Variants in FRY observed in about 807,000 individuals in gnomAD.
FRY encodes protein furry homolog.
FRY carries 128 observed loss-of-function variants against 348.4 expected under a neutral mutation model. The ratio of observed to expected loss-of-function variants is 0.37; its 90% CI spans 0.32 to 0.43. FRY has a LOEUF of 0.43. FRY is among the 20% of genes least tolerant of loss of function. FRY has a pLI of 1.00. For missense variants in FRY, 2,736 were observed against 3,695.2 expected (o/e 0.74, Z 6.73); for synonymous variants, 1,370 against 1,374.7 (o/e 1.00, Z 0.08).
At position 32,237,811 on chromosome 13, in the gene FRY, C is replaced by A; in HGVS notation, c.6243C>A (p.Asn2081Lys). Reference protein sequence around the residue: ...LAHMPLDKAENREKLEKLQAQ... With the variant: ...LAHMPLDKAEKREKLEKLQAQ... ...ATATGCCACTCGATAAGGCTGAGAA[C>A]CGAGAAAAGCTTGAGAAACTCCAGG... is the stretch of plus-strand genomic sequence containing the variant. Residue 2081 changes from asparagine to lysine, a missense_variant, in exon 44 of 61, where the codon AAC (asparagine) becomes AAA (lysine). By Grantham distance (94) the Asn-to-Lys change is moderately conservative. Transcript: ENST00000542859. The surrounding 1 kb of genome is among the most constrained non-coding windows in gnomAD (Gnocchi z 6.3). 2 of 1,614,174 alleles carry A rather than the reference C, an allele frequency of 1.2e-6. No homozygotes were observed. Among genetic ancestry groups the A allele is most frequent in the South Asian group, 1.1e-5 (1 of 91,070 alleles).
chr13:32,088,412 C>T (rs1876030337), intron 2 of FRY, among the ~76,000 whole-genome samples: 1 of 152,182 alleles, frequency 6.6e-6, no homozygotes, highest in African/African-American at 2.4e-5. Flanking sequence ...AGCAAAACAG[C>T]TTAGCCTGGA....
rs7333605 is a variant in FRY, at chr13:32,107,296, G to T, written c.324+5280G>T. On this transcript the variant is annotated intron_variant, in intron 3 of 60. Coordinates refer to ENST00000542859, the MANE Select transcript of FRY (RefSeq NM_023037.3). ...CGCTTGAACCTGGGAGGCAGAGGTT[G>T]CAGTGAGCTGAGATTGCACCACTGC... Among the ~76,000 whole-genome samples, 674 of 152,334 alleles carry T rather than the reference G, an allele frequency of 4.4e-3. 2 individuals are homozygous for T. Among genetic ancestry groups the T allele is most frequent in the African/African-American group, 0.016 (649 of 41,578 alleles).
chr13:32,208,773 C>A, intron 31 of FRY, 80 bp from the exon 32 acceptor site: 1 of 1,527,284 alleles, frequency 6.5e-7, no homozygotes, highest in South Asian at 1.1e-5. Context: ...ACTGTTCAGT[C>A]TGCAAGTTGG....
intron 51 of FRY, among the ~76,000 whole-genome samples, chr13:32,254,623 G>A (rs186092104): frequency 5.5e-4 from 83 of 152,088 alleles, no homozygotes; most frequent in Non-Finnish European, 7.2e-4. Flanking sequence ...ATTTCTAAAC[G>A]GCAAAGACCT....
chr13:32,150,849 C>A (rs1593670773), intron 14 of FRY, among the ~76,000 whole-genome samples: 1 of 152,208 alleles, frequency 6.6e-6, no homozygotes, highest in Non-Finnish European at 1.5e-5. Context: ...CTTCCCACCA[C>A]ACCCCATATT....
In FRY at chr13:32,059,382, A is replaced by C. The variant is rs78726755; in HGVS notation, c.71-19452A>C. ...ATTTGCACCTGACCACTTTTGACAG[A>C]ATTAAAAGGAGAAATTGTAGACTTC... On this transcript the variant is annotated intron_variant, in intron 1 of 60. Coordinates refer to ENST00000542859, the MANE Select transcript of FRY (RefSeq NM_023037.3). 8.7e-3 allele frequency among the ~76,000 whole-genome samples: 1,317 copies of C among 150,974 alleles called. 23 individuals are homozygous for C. The highest frequency in any genetic ancestry group is 0.08 in the East Asian group (412 of 5,122).
intron 1 of FRY, among the ~76,000 whole-genome samples, chr13:32,077,443 A>G (rs1875156859): frequency 6.6e-6 from 1 of 152,148 alleles, no homozygotes; most frequent in South Asian, 2.1e-4. Context: ...ACTTTATTAT[A>G]TTTTTGGAAT....
intron 40 of FRY, among the ~76,000 whole-genome samples, chr13:32,229,674 C>T (rs1192438127): frequency 6.6e-6 from 1 of 152,168 alleles, no homozygotes; most frequent in East Asian, 1.9e-4. Flanking sequence ...TGAAGTTCTC[C>T]CACCTGGCTC....
chr13:32,140,094 A>G (rs1211202071), intron 11 of FRY, among the ~76,000 whole-genome samples: 2 of 145,518 alleles, frequency 1.4e-5, no homozygotes, highest in African/African-American at 2.8e-5. Context: ...TAAAAAAAAA[A>G]CAAAAACAGA....
chr13:32,147,151 C>T (rs1880507701), intron 11 of FRY, 131 bp from the exon 12 acceptor site: 1 of 664,102 alleles, frequency 1.5e-6, no homozygotes. Context: ...CCAGGTGATG[C>T]AATGTGTCTC....
intron 2 of FRY, among the ~76,000 whole-genome samples, chr13:32,099,648 C>A (rs1247814937): frequency 6.6e-6 from 1 of 152,004 alleles, no homozygotes; most frequent in Admixed American, 6.5e-5. Context: ...TCAAATCCTT[C>A]TACCAGATAT....
intron 1 of FRY, among the ~76,000 whole-genome samples, chr13:32,060,268 A>G (rs1242318678): frequency 6.6e-6 from 1 of 152,180 alleles, no homozygotes; most frequent in Non-Finnish European, 1.5e-5. Context: ...CAACCTCATT[A>G]ACCTAAACCT....
At chr13:32,196,232 G>A (rs1376372928) in intron 29 of FRY, among the ~76,000 whole-genome samples, 4 of 152,104 alleles carry the variant, frequency 2.6e-5, no homozygotes, top group Non-Finnish European at 4.4e-5. Flanking sequence ...ACTCCTACAA[G>A]TCATTTTCTA....
chr13:32,221,155 T>C (rs1478798700), intron 36 of FRY, among the ~76,000 whole-genome samples: 1 of 152,204 alleles, frequency 6.6e-6, no homozygotes, highest in East Asian at 1.9e-4. Context: ...GGTTTTCTGA[T>C]GCCTGTCCTC....
intron 28 of FRY, among the ~76,000 whole-genome samples, chr13:32,193,880 G>A (rs972659199): frequency 4.6e-5 from 7 of 152,112 alleles, no homozygotes; most frequent in African/African-American, 7.2e-5. Flanking sequence ...GAGCCACCAC[G>A]CCCAGCCACT....
intron 3 of FRY, among the ~76,000 whole-genome samples, chr13:32,105,420 C>T (rs1593617782): frequency 6.6e-6 from 1 of 152,206 alleles, no homozygotes; most frequent in African/African-American, 2.4e-5. Flanking sequence ...TGTTCTTTAT[C>T]AATTACCAAT....
At chr13:32,278,778 T>C (rs1258474436) in intron 58 of FRY, among the ~76,000 whole-genome samples, 1 of 152,208 alleles carries the variant, frequency 6.6e-6, no homozygotes, top group African/African-American at 2.4e-5. Context: ...AAAATAACCT[T>C]TTTTGCTGGA....
intron 1 of FRY, among the ~76,000 whole-genome samples, chr13:32,048,561 G>T (rs1046882134): frequency 7.2e-5 from 11 of 152,170 alleles, no homozygotes; most frequent in African/African-American, 2.7e-4. Context: ...ATTGCTATCT[G>T]TAAAAATACT....
At chr13:32,257,849 G>T in intron 51 of FRY, 1 of 844,982 alleles carries the variant, frequency 1.2e-6, no homozygotes, top group Non-Finnish European at 2.0e-6. Context: ...TATATTGTTA[G>T]CACTGTTGGT....
Sources: allele counts gnomAD v4.1 joint callset (sites outside exome capture counted in the v4.1 genomes callset), GRCh38; gene constraint gnomAD v4.1.1; non-coding constraint Gnocchi (gnomAD v3.1); transcripts MANE v1.5; gene names NCBI Gene and HGNC (gene_info 2026-07-23, HGNC 2026-07-21).